RAB37: variants seen among roughly 807,000 people sequenced by gnomAD.
The protein encoded by RAB37 is ras-related protein Rab-37.
Under a neutral mutation model 33.1 loss-of-function variants are expected in RAB37, and 29 were observed. That is an observed-to-expected ratio of 0.88 (90% confidence interval 0.65 to 1.20). The LOEUF (loss-of-function observed/expected upper bound fraction) is 1.20. Ranked by LOEUF, RAB37 falls within the 50% of genes most tolerant of loss-of-function variation. RAB37 has a pLI of 0.00. For missense variants in RAB37, 299 were observed against 301.1 expected (o/e 0.99, Z 0.05); for synonymous variants, 128 against 119.5 (o/e 1.07, Z -0.47).
intron 1 of RAB37, among the ~76,000 whole-genome samples, chr17:74,708,701 G>T (rs2033711718): frequency 6.6e-6 from 1 of 152,210 alleles, no homozygotes; most frequent in Non-Finnish European, 1.5e-5. Flanking sequence ...CGGATCAGGA[G>T]GTGAGGAGAT....
chr17:74,704,224 C>A, intron 1 of RAB37: 1 of 425,400 alleles, frequency 2.4e-6, no homozygotes, highest in South Asian at 4.0e-5. Flanking sequence ...ACCTTGTCCT[C>A]AGGCACTGAG....
At chr17:74,703,026 C>A (rs766870602) in intron 1 of RAB37, 56 of 1,609,294 alleles carry the variant, frequency 3.5e-5, no homozygotes, top group Non-Finnish European at 4.8e-5. Context: ...GGAACCAGAG[C>A]TGGCTTACCT....
chr17:74,686,404 T>C (rs2032055654), intron 1 of RAB37, among the ~76,000 whole-genome samples: 1 of 151,934 alleles, frequency 6.6e-6, no homozygotes, highest in African/African-American at 2.4e-5. Flanking sequence ...ATTATTATTA[T>C]TTTTGAGATG....
intron 1 of RAB37, among the ~76,000 whole-genome samples, chr17:74,721,940 C>T (rs1598305171): frequency 1.3e-5 from 2 of 152,132 alleles, no homozygotes; most frequent in African/African-American, 4.8e-5. Context: ...ATTATATTGT[C>T]ATTGTATCGG....
At chr17:74,684,431 T>A (rs1233620762) in intron 1 of RAB37, among the ~76,000 whole-genome samples, 1 of 151,992 alleles carries the variant, frequency 6.6e-6, no homozygotes, top group African/African-American at 2.4e-5. Context: ...ATTGCAAAAT[T>A]TGAAAAATGA....
intron 1 of RAB37, among the ~76,000 whole-genome samples, chr17:74,718,199 C>G (rs1274252776): frequency 1.3e-5 from 2 of 152,116 alleles, no homozygotes; most frequent in Non-Finnish European, 2.9e-5. Flanking sequence ...GAGGCTGAGG[C>G]AGGGGAATCA....
Position 74,744,256 on chromosome 17 carries a change from A to G in RAB37, c.367-52A>G. On this transcript the variant is annotated intron_variant, in intron 5 of 8. Transcript: ENST00000392613. This position sits in a 1 kb window ranked among gnomAD's most constrained non-coding sequence, Gnocchi z 4.2. ...GGATAGTCAAACGGAGCAGAAGAAG[A>G]AAGGGGCAGCAGGAGGAAGAGAATG... The G allele has an allele frequency of 6.4e-7, 1 of 1,552,768 alleles. No individual in the cohort carries two copies. The highest frequency in any genetic ancestry group is 8.8e-7 in the Non-Finnish European group (1 of 1,131,036).
intron 1 of RAB37, among the ~76,000 whole-genome samples, chr17:74,698,823 T>C (rs1390489058): frequency 6.6e-6 from 1 of 152,228 alleles, no homozygotes; most frequent in East Asian, 1.9e-4. Context: ...ACGTGCAATT[T>C]ACCGATATAA....
At chr17:74,681,849 G>A (rs2031961726) in intron 1 of RAB37, among the ~76,000 whole-genome samples, 1 of 151,982 alleles carries the variant, frequency 6.6e-6, no homozygotes, top group Non-Finnish European at 1.5e-5. Context: ...CTTGTCTACT[G>A]CCTTCCCTCT....
At chr17:74,718,356 T>TATCA (rs1373129972) in intron 1 of RAB37, among the ~76,000 whole-genome samples, 7 of 151,548 alleles carry the variant, frequency 4.6e-5, no homozygotes, top group African/African-American at 1.7e-4. Context: ...TATCATATCA[T>TATCA]ATCATATCCA....
intron 1 of RAB37, chr17:74,695,233 C>T (rs2032317731): frequency 6.2e-7 from 1 of 1,614,056 alleles, no homozygotes; most frequent in Non-Finnish European, 8.5e-7. Context: ...TAGGAAATGT[C>T]CTCCTTCGGC....
chr17:74,712,881 G>A, intron 1 of RAB37: 1 of 1,613,834 alleles, frequency 6.2e-7, no homozygotes, highest in Non-Finnish European at 8.5e-7. Flanking sequence ...TCTTCAGACA[G>A]GTCCCCGTTC....
At chr17:74,675,296 G>C (rs766521840) in intron 1 of RAB37, among the ~76,000 whole-genome samples, 4 of 151,980 alleles carry the variant, frequency 2.6e-5, no homozygotes, top group Non-Finnish European at 5.9e-5. Context: ...TTAGCCGGGG[G>C]TGGTGGCATG....
At chr17:74,695,149 G>C in intron 1 of RAB37, 1 of 1,614,208 alleles carries the variant, frequency 6.2e-7, no homozygotes, top group East Asian at 2.2e-5. Flanking sequence ...CCCCTGCCGG[G>C]GAGGTGGCTA....
upstream of RAB37, among the ~76,000 whole-genome samples, chr17:74,733,356 T>C (rs760779656): frequency 7.9e-5 from 12 of 151,248 alleles, no homozygotes; most frequent in Non-Finnish European, 1.0e-4. Flanking sequence ...GCATGTGTAT[T>C]TATGGTATGA....
intron 1 of RAB37, among the ~76,000 whole-genome samples, chr17:74,683,312 G>C (rs1311384421): frequency 6.6e-6 from 1 of 152,166 alleles, no homozygotes; most frequent in Non-Finnish European, 1.5e-5. Context: ...GATTGGAGCA[G>C]GGAATGAGGA....
chr17:74,688,544 C>A (rs2032098039), intron 1 of RAB37, among the ~76,000 whole-genome samples: 1 of 124,316 alleles, frequency 8.0e-6, no homozygotes, highest in East Asian at 2.3e-4. Context: ...CAGAGAAAGA[C>A]TGCACCTCAA....
rs1263603195 is a variant in RAB37, at chr17:74,723,216, A to G, written c.73-6040A>G. Among the ~76,000 whole-genome samples, 6 of 152,320 alleles carry G rather than the reference A, an allele frequency of 3.9e-5. No homozygotes were observed. In the South Asian group the frequency reaches 1.0e-3, roughly 26 times the overall value. On this transcript the variant is annotated intron_variant, in intron 1 of 7. Coordinates refer to the RAB37 transcript ENST00000340415. ...TCGATGGAAAGGACTCAGGCATACA[A>G]TGTCAGACAAGTACCATACACCCCA...
chr17:74,696,158 C>T (rs1338758572), intron 1 of RAB37: 1 of 1,584,212 alleles, frequency 6.3e-7, no homozygotes, highest in Non-Finnish European at 8.5e-7. Flanking sequence ...AAAGAAGCTG[C>T]CTGGTCTCTC....
Sources: gnomAD v4.1 joint callset for allele counts (sites outside exome capture counted in the v4.1 genomes callset) on GRCh38, gnomAD v4.1.1 for gene constraint, Gnocchi (gnomAD v3.1) non-coding constraint, MANE v1.5 for transcripts, NCBI Gene and HGNC (gene_info 2026-07-23, HGNC 2026-07-21) for gene names.